Variants in ZEB1 observed in about 807,000 individuals in gnomAD.
The protein encoded by ZEB1 is zinc finger E-box binding homeobox 1, also known as zinc finger E-box-binding homeobox 1.
Under a neutral mutation model 84.9 loss-of-function variants are expected in ZEB1, and 21 were observed. That is an observed-to-expected ratio of 0.25 (90% CI 0.18 to 0.36). ZEB1 has a LOEUF of 0.36. Among genes scored for constraint, ZEB1 ranks in the 10% least tolerant of loss-of-function variants. ZEB1 has a pLI of 1.00. For synonymous variants in ZEB1, 420 were observed against 471.1 expected, an observed-to-expected ratio of 0.89 and a Z score of 1.41; for missense variants, 1,104 against 1,330.2, an observed-to-expected ratio of 0.83 and a Z score of 2.65.
At chr10:31,405,087 G>A (rs1365955821) in intron 1 of ZEB1, among the ~76,000 whole-genome samples, 1 of 152,124 alleles carries the variant, frequency 6.6e-6, no homozygotes, top group East Asian at 1.9e-4. Context: ...ATAACAGGAA[G>A]CAGAAATTTC....
intron 2 of ZEB1, among the ~76,000 whole-genome samples, chr10:31,467,040 T>G (rs2062521767): frequency 6.6e-6 from 1 of 152,076 alleles, no homozygotes; most frequent in African/African-American, 2.4e-5. Flanking sequence ...ATTTAATATA[T>G]AGGCCATGAC....
chr10:31,456,539 C>A (rs888078391), intron 1 of ZEB1, among the ~76,000 whole-genome samples: 3 of 151,952 alleles, frequency 2.0e-5, no homozygotes, highest in Non-Finnish European at 4.4e-5. Context: ...TTTCAGTACC[C>A]CAAAATAAGT....
intron 1 of ZEB1, among the ~76,000 whole-genome samples, chr10:31,443,331 G>A (rs528310627): frequency 1.3e-5 from 2 of 151,088 alleles, no homozygotes; most frequent in African/African-American, 4.9e-5. Flanking sequence ...ATTTTTTTCT[G>A]TGTATAGTTA....
intron 2 of ZEB1, among the ~76,000 whole-genome samples, chr10:31,485,086 C>G (rs900641606): frequency 6.6e-6 from 1 of 151,836 alleles, no homozygotes; most frequent in African/African-American, 2.4e-5. Context: ...TTAATTAAAT[C>G]ATTCCTATAA....
intron 2 of ZEB1, among the ~76,000 whole-genome samples, chr10:31,481,589 T>G (rs754599238): frequency 2.6e-5 from 4 of 151,884 alleles, no homozygotes; most frequent in Non-Finnish European, 4.4e-5. Context: ...CTCGGGAGGC[T>G]GAGGCAGGAG....
At chr10:31,374,203 T>C (rs989588471) in intron 1 of ZEB1, among the ~76,000 whole-genome samples, 3 of 151,888 alleles carry the variant, frequency 2.0e-5, no homozygotes, top group African/African-American at 7.2e-5. Context: ...GCGATTCACA[T>C]AGTTTAAGTA....
At chr10:31,329,316 G>A (rs908226002) in intron 1 of ZEB1, among the ~76,000 whole-genome samples, 10 of 152,168 alleles carry the variant, frequency 6.6e-5, no homozygotes, top group South Asian at 2.1e-4. Context: ...CTTTTGCACA[G>A]GATATTATCA....
At chr10:31,458,941 G>C (rs1231269124) in intron 1 of ZEB1, among the ~76,000 whole-genome samples, 2 of 152,002 alleles carry the variant, frequency 1.3e-5, no homozygotes, top group Non-Finnish European at 2.9e-5. Flanking sequence ...TAAATTCATC[G>C]TAAGTTGAAA....
At chr10:31,427,402 G>A (rs1341534753) in intron 1 of ZEB1, among the ~76,000 whole-genome samples, 1 of 152,144 alleles carries the variant, frequency 6.6e-6, no homozygotes, top group Non-Finnish European at 1.5e-5. Context: ...GGGAAGGACT[G>A]AAAAGTATGA....
chr10:31,416,448 C>CTTATA (rs1212037427), intron 1 of ZEB1, among the ~76,000 whole-genome samples: 1 of 152,036 alleles, frequency 6.6e-6, no homozygotes, highest in Non-Finnish European at 1.5e-5. Context: ...TCACAATTAC[C>CTTATA]TACATAATGG....
chr10:31,410,737 G>A (rs944574882), intron 1 of ZEB1, among the ~76,000 whole-genome samples: 1 of 152,122 alleles, frequency 6.6e-6, no homozygotes, highest in African/African-American at 2.4e-5. Context: ...TCTTGGGAGG[G>A]TATATGTGTC....
chr10:31,424,767 GT>G lies in ZEB1; in HGVS notation c.59-36269del, dbSNP rs1191328254. On this transcript the variant is annotated intron_variant, in intron 1 of 8. Coordinates refer to ENST00000424869, the MANE Select transcript of ZEB1 (RefSeq NM_001174096.2). ...TAAGTGAGAATTTCTGTTTTGACAT[GT>G]GGTTTGTTGATATAATATATTGCAT... 2.0e-5 allele frequency among the ~76,000 whole-genome samples: 3 copies of G among 152,046 alleles called. No individual in the cohort carries two copies. The East Asian group carries it at 5.8e-4, about 29-fold the overall frequency.
chr10:31,468,942 T>C (rs2062796380), intron 2 of ZEB1, among the ~76,000 whole-genome samples: 1 of 152,122 alleles, frequency 6.6e-6, no homozygotes, highest in Non-Finnish European at 1.5e-5. Context: ...ATGAAAACTT[T>C]GAAATGACAG....
intron 1 of ZEB1, among the ~76,000 whole-genome samples, chr10:31,328,135 A>G (rs572340005): frequency 7.2e-5 from 11 of 152,302 alleles, no homozygotes; most frequent in African/African-American, 2.2e-4. Flanking sequence ...TATAGATTAT[A>G]AAGATATTTT....
intron 1 of ZEB1, among the ~76,000 whole-genome samples, chr10:31,409,029 G>T (rs1445989316): frequency 6.6e-6 from 1 of 151,962 alleles, no homozygotes; most frequent in African/African-American, 2.4e-5. Flanking sequence ...AATCTACAAT[G>T]AACTCAAATA....
intron 1 of ZEB1, among the ~76,000 whole-genome samples, chr10:31,322,274 G>A (rs1197643930): frequency 6.6e-6 from 1 of 152,218 alleles, no homozygotes; most frequent in African/African-American, 2.4e-5. Context: ...TTTCTTAGCA[G>A]TGCAGTCATA....
At chr10:31,470,012 A>G (rs892221773) in intron 2 of ZEB1, among the ~76,000 whole-genome samples, 4 of 152,094 alleles carry the variant, frequency 2.6e-5, no homozygotes, top group Non-Finnish European at 5.9e-5. Context: ...CCTGTCTGTT[A>G]GAAGGAAAAC....
chr10:31,465,653 C>A (rs2062327409), intron 2 of ZEB1, among the ~76,000 whole-genome samples: 2 of 152,054 alleles, frequency 1.3e-5, no homozygotes, highest in Admixed American at 6.6e-5. Flanking sequence ...CTTGCTGTGT[C>A]ACCAGGGTAG....
At chr10:31,327,581 A>G (rs1482399163) in intron 1 of ZEB1, among the ~76,000 whole-genome samples, 1 of 152,178 alleles carries the variant, frequency 6.6e-6, no homozygotes, top group East Asian at 1.9e-4. Flanking sequence ...TTAGATACCA[A>G]TAATTCTGTA....
Sources: allele counts gnomAD v4.1 joint callset (sites outside exome capture counted in the v4.1 genomes callset), GRCh38; gene constraint gnomAD v4.1.1; transcripts MANE v1.5; gene names NCBI Gene and HGNC (gene_info 2026-07-23, HGNC 2026-07-21).